The following P3H2 variants were observed in gnomAD, a reference collection of about 807,000 sequenced individuals.
P3H2 encodes prolyl 3-hydroxylase 2, also known as leprecan-like 1.
In P3H2, 80 loss-of-function variants were observed where a neutral mutation model predicts 87.0. That is an observed-to-expected ratio of 0.92 (90% CI 0.77 to 1.11). The LOEUF (loss-of-function observed/expected upper bound fraction) is 1.11. Among genes scored for constraint, P3H2 ranks in the 50% least tolerant of loss-of-function variants. The pLI is 0.00. For synonymous variants in P3H2, 367 were observed against 359.3 expected (o/e 1.02, Z -0.24); for missense variants, 1,001 against 923.9 (o/e 1.08, Z -1.08).
chr3:190,049,967 T>C (rs1037560395), intron 1 of P3H2, among the ~76,000 whole-genome samples: 18 of 152,204 alleles, frequency 1.2e-4, no homozygotes, highest in African/African-American at 4.3e-4. Flanking sequence ...ACATTGTAAA[T>C]ATTCAAGAGG....
chr3:189,958,806 C>A (rs1468308105), intron 14 of P3H2, among the ~76,000 whole-genome samples: 5 of 149,176 alleles, frequency 3.4e-5, no homozygotes, highest in Non-Finnish European at 7.4e-5. Flanking sequence ...CGGGTTCAAG[C>A]GATTCTCCTG....
intron 1 of P3H2, among the ~76,000 whole-genome samples, chr3:190,061,555 T>C (rs1726332336): frequency 6.6e-6 from 1 of 152,136 alleles, no homozygotes; most frequent in African/African-American, 2.4e-5. Context: ...CAATACATCC[T>C]ACTATACTAC....
chr3:190,108,045 A>C (rs573012846), intron 1 of P3H2, among the ~76,000 whole-genome samples: 1 of 152,226 alleles, frequency 6.6e-6, no homozygotes, highest in Admixed American at 6.5e-5. Flanking sequence ...GGACTCAAGC[A>C]ATCTTCCAGC....
intron 3 of P3H2, among the ~76,000 whole-genome samples, 153 bp downstream of exon 3, chr3:189,993,941 T>C (rs1723958576): frequency 6.6e-6 from 1 of 152,202 alleles, no homozygotes; most frequent in South Asian, 2.1e-4. Context: ...TTTAACTACA[T>C]ACATTTCTCT....
intron 1 of P3H2, among the ~76,000 whole-genome samples, chr3:190,048,400 G>A (rs1378741715): frequency 6.6e-6 from 1 of 152,124 alleles, no homozygotes; most frequent in Non-Finnish European, 1.5e-5. Flanking sequence ...GGAAGGCTGA[G>A]GCATGAGAAT....
Position 190,120,651 on chromosome 3 carries a change from C to CG in P3H2, c.80dup (p.Asp28GlyfsTer79). The CG allele has an allele frequency of 5.2e-6, 8 of 1,525,642 alleles. No individual in the cohort carries two copies. Among genetic ancestry groups the CG allele is most frequent in the South Asian group, 3.6e-5 (3 of 82,520 alleles). 94.5% of individuals were successfully genotyped at this position (1,525,642 alleles called of 1,614,324 possible). On this transcript the variant is annotated frameshift_variant, in exon 1 of 15. Coordinates refer to ENST00000319332, the MANE Select transcript of P3H2 (RefSeq NM_018192.4). LOFTEE classifies it high-confidence loss of function. ...GCTCCAGCTCCCGGCGTGGGCTGTCCGGGGGGCCGCCCCACAGTGGCGGCG... is the reference window on the plus strand; with the variant it reads ...GCTCCAGCTCCCGGCGTGGGCTGTCCGGGGGGGCCGCCCCACAGTGGCGGCG...
intron 1 of P3H2, among the ~76,000 whole-genome samples, chr3:190,044,435 T>G (rs1173393455): frequency 6.6e-6 from 1 of 152,184 alleles, no homozygotes; most frequent in Non-Finnish European, 1.5e-5. Flanking sequence ...GCCACACCTC[T>G]CGCTAGAATG....
rs1395448072 is a variant in P3H2, at chr3:190,120,704, G to A, written c.28C>T (p.Leu10=). Residue 10 remains leucine, a synonymous_variant, in exon 1 of 15, where the codon CTG becomes TTG. Coordinates refer to ENST00000319332, the MANE Select transcript of P3H2 (RefSeq NM_018192.4). ...AGTAGCAGCGGCAGCAGCAGCAGCA[G>A]CGGCGGCGCCCAGATGCGCTCCCGC... MRERIWAPP[L]LLLLPLLLPP... 1.3e-6 allele frequency: 2 copies of A among 1,520,384 alleles called. No individual in the cohort carries two copies. Among genetic ancestry groups the A allele is most frequent in the South Asian group, 2.4e-5 (2 of 82,024 alleles). 94.2% of individuals were successfully genotyped at this position (1,520,384 alleles called of 1,614,324 possible).
intron 13 of P3H2, among the ~76,000 whole-genome samples, chr3:189,966,863 T>C (rs758923401): frequency 6.6e-6 from 1 of 152,242 alleles, no homozygotes; most frequent in Non-Finnish European, 1.5e-5. Context: ...TGATGATTGA[T>C]TTAGAAAAGC....
chr3:190,055,498 T>G (rs1264265892), intron 1 of P3H2, among the ~76,000 whole-genome samples: 1 of 146,824 alleles, frequency 6.8e-6, no homozygotes, highest in East Asian at 2.0e-4. Flanking sequence ...AAAAAAAAAA[T>G]TGGGAATGAA....
At chr3:189,968,510 T>G (rs1300207455) in intron 13 of P3H2, among the ~76,000 whole-genome samples, 1 of 152,204 alleles carries the variant, frequency 6.6e-6, no homozygotes, top group African/African-American at 2.4e-5. Flanking sequence ...AGCATTTGGG[T>G]TGGTACCAAG....
At chr3:190,053,895 T>C (rs1726067208) in intron 1 of P3H2, among the ~76,000 whole-genome samples, 1 of 152,332 alleles carries the variant, frequency 6.6e-6, no homozygotes, top group Non-Finnish European at 1.5e-5. Flanking sequence ...ATTTCCCTGT[T>C]TTCTTAAACA....
intron 8 of P3H2, among the ~76,000 whole-genome samples, chr3:189,977,411 C>T (rs1472739971): frequency 1.3e-5 from 2 of 152,156 alleles, no homozygotes; most frequent in African/African-American, 4.8e-5. Context: ...GGCCATAGTC[C>T]AACAACTTTT....
chr3:189,982,621 A>G (rs1011181932), intron 8 of P3H2, among the ~76,000 whole-genome samples: 2 of 152,198 alleles, frequency 1.3e-5, no homozygotes, highest in Non-Finnish European at 2.9e-5. Context: ...TGCTTCAAGC[A>G]TCTAAGGTTA....
chr3:190,061,970 A>G (rs1726344916), intron 1 of P3H2, among the ~76,000 whole-genome samples: 1 of 152,128 alleles, frequency 6.6e-6, no homozygotes, highest in African/African-American at 2.4e-5. Context: ...TGCCTGGCAT[A>G]TATTAGGTAC....
intron 1 of P3H2, among the ~76,000 whole-genome samples, chr3:190,041,061 C>A (rs1311579803): frequency 2.6e-5 from 1 of 39,184 alleles, no homozygotes; most frequent in South Asian, 1.0e-3. Context: ...CACACACACA[C>A]ACACACACAC....
At chr3:189,973,061 T>C (rs1249334991) in intron 10 of P3H2, 37 bp from the exon 11 acceptor site, 18 of 1,597,978 alleles carry the variant, frequency 1.1e-5, no homozygotes, top group Non-Finnish European at 1.5e-5. Context: ...AACAAATGGG[T>C]TCATTGGAGG....
At chr3:190,017,222 GAT>G (rs568550220) in intron 1 of P3H2, among the ~76,000 whole-genome samples, 38 of 152,118 alleles carry the variant, frequency 2.5e-4, no homozygotes, top group African/African-American at 8.0e-4. Flanking sequence ...AGAGATACAT[GAT>G]ACATACAGCA....
intron 1 of P3H2, among the ~76,000 whole-genome samples, chr3:190,002,615 A>C (rs1264658261): frequency 6.6e-6 from 1 of 152,036 alleles, no homozygotes; most frequent in Admixed American, 6.6e-5. Context: ...TGGCCAAGCC[A>C]GTCTTGAACT....
Sources: allele counts gnomAD v4.1 joint callset (sites outside exome capture counted in the v4.1 genomes callset), GRCh38; gene constraint gnomAD v4.1.1; transcripts MANE v1.5; gene names NCBI Gene and HGNC (gene_info 2026-07-23, HGNC 2026-07-21).